The following POU6F1 variants were observed in gnomAD, a reference collection of about 807,000 sequenced individuals.
The protein encoded by POU6F1 is POU class 6 homeobox 1, also known as POU domain, class 6, transcription factor 1.
A neutral mutation model predicts 28.9 loss-of-function variants in POU6F1; 9 were observed. That is an observed-to-expected ratio of 0.31 (90% CI 0.19 to 0.54). The LOEUF is 0.54. POU6F1 is among the 20% of genes least tolerant of loss of function. The pLI, the probability that POU6F1 is intolerant of heterozygous loss-of-function variation, is 0.94. For missense variants in POU6F1, 338 were observed against 426.1 expected (o/e 0.79, Z 1.82); for synonymous variants, 173 against 171.1 (o/e 1.01, Z -0.09).
At chr12:51,215,512 C>T (rs1277292090) in intron 1 of POU6F1, among the ~76,000 whole-genome samples, 2 of 145,188 alleles carry the variant, frequency 1.4e-5, no homozygotes, top group African/African-American at 2.6e-5. Flanking sequence ...ACCAAGATCG[C>T]GCCACTGCAC....
intron 3 of POU6F1, among the ~76,000 whole-genome samples, chr12:51,202,760 T>C (rs981969785): frequency 2.0e-5 from 3 of 152,100 alleles, no homozygotes; most frequent in African/African-American, 7.2e-5. Context: ...CAGAAGCAGG[T>C]GCGTGACTCT....
chr12:51,197,672 G>C (rs574659552), intron 6 of POU6F1, 98 bp downstream of exon 6: 1 of 391,936 alleles, frequency 2.6e-6, no homozygotes, highest in East Asian at 3.6e-5. Flanking sequence ...GGCTGTTTTC[G>C]GGGGGGGCTC....
intron 2 of POU6F1, among the ~76,000 whole-genome samples, chr12:51,205,561 G>A (rs1436822936): frequency 6.6e-6 from 1 of 152,232 alleles, no homozygotes; most frequent in Non-Finnish European, 1.5e-5. Context: ...CAGAGACAAA[G>A]TCTGTAAATT....
chr12:51,206,739 A>T (rs1943654534), intron 2 of POU6F1, 50 bp downstream of exon 2: 2 of 398,030 alleles, frequency 5.0e-6, no homozygotes, highest in South Asian at 2.6e-4. Flanking sequence ...TGTTGCCCAC[A>T]CCCCTCACTC....
intron 3 of POU6F1, among the ~76,000 whole-genome samples, chr12:51,200,730 C>T (rs183828646): frequency 1.1e-3 from 174 of 152,226 alleles, no homozygotes; most frequent in African/African-American, 3.8e-3. Context: ...CTCTGTCACC[C>T]ATGCTGGAGT....
Position 51,195,950 on chromosome 12 carries a change from A to AC in POU6F1, c.1179+19dup, listed in dbSNP as rs373084626. 0.019 allele frequency: 4,343 copies of AC among 232,204 alleles called. 96 individuals carry two copies. Among genetic ancestry groups the AC allele is most frequent in the African/African-American group, 0.16 (3,525 of 22,450 alleles). 14.4% of individuals were successfully genotyped at this position (232,204 alleles called of 1,614,324 possible). On this transcript the variant is annotated intron_variant, in intron 8 of 10. Coordinates refer to ENST00000333640, the MANE Select transcript of POU6F1 (RefSeq NM_001330422.2). ...GATAGCAGAGCCTGCCCCACCCCCC[A>AC]CCCCCCCCAGCCCCTGTACCTCACT...
At chr12:51,212,995 G>A (rs936800389) in intron 1 of POU6F1, among the ~76,000 whole-genome samples, 10 of 151,732 alleles carry the variant, frequency 6.6e-5, no homozygotes, top group African/African-American at 1.7e-4. Flanking sequence ...GGAGTGCAGC[G>A]GCGGGATCTC....
At position 51,188,346 on chromosome 12, in the gene POU6F1, C is replaced by T. The variant is rs991830897; in HGVS notation, c.*1901G>A. The T allele has an allele frequency of 6.6e-6, 1 of 152,198 alleles. No homozygotes were observed. Among genetic ancestry groups the T allele is most frequent in the Non-Finnish European group, 1.5e-5 (1 of 68,038 alleles). The allele number at this position is 152,198 out of a possible 1,614,324, so 9.4% of individuals were successfully genotyped here. ...AGTCTGTCATCTCATTGAGGCAGGT[C>T]GATAACCCTGAACTAGAGTGTGGAG... On this transcript the variant is annotated 3_prime_UTR_variant, in exon 11 of 11. Coordinates refer to ENST00000333640, the MANE Select transcript of POU6F1 (RefSeq NM_001330422.2).
chr12:51,206,225 C>T lies in POU6F1; in HGVS notation c.48+564G>A, dbSNP rs919824156. On this transcript the variant is annotated intron_variant, in intron 2 of 10. Coordinates refer to ENST00000333640, the MANE Select transcript of POU6F1 (RefSeq NM_001330422.2). Reference sequence around the variant, plus strand: ...GATCACGAGGTCAGGAGATCGAGACCATCCTGGCTAACACGGTGAAACCCC... The same window carrying T: ...GATCACGAGGTCAGGAGATCGAGACTATCCTGGCTAACACGGTGAAACCCC... Among the ~76,000 whole-genome samples, 3 of 150,780 alleles carry T rather than the reference C, an allele frequency of 2.0e-5. No homozygotes were observed. The South Asian group carries it at 6.3e-4, about 32-fold the overall frequency.
intron 6 of POU6F1, among the ~76,000 whole-genome samples, chr12:51,197,451 G>A (rs1237054764): frequency 6.6e-6 from 1 of 152,336 alleles, no homozygotes; most frequent in East Asian, 1.9e-4. Context: ...GCATAGAGCT[G>A]TAAGCTCTGA....
At chr12:51,211,887 G>T (rs1355059563) in intron 1 of POU6F1, among the ~76,000 whole-genome samples, 1 of 152,106 alleles carries the variant, frequency 6.6e-6, no homozygotes. Flanking sequence ...TTTTCAGCGG[G>T]GGAGAATGAG....
intron 8 of POU6F1, among the ~76,000 whole-genome samples, chr12:51,195,608 T>C (rs1168996864): frequency 6.6e-6 from 1 of 152,104 alleles, no homozygotes; most frequent in East Asian, 1.9e-4. Context: ...GGTAGAGGAA[T>C]GGGGTACAGA....
At chr12:51,203,392 G>A (rs895147751) in intron 3 of POU6F1, among the ~76,000 whole-genome samples, 3 of 152,156 alleles carry the variant, frequency 2.0e-5, no homozygotes, top group African/African-American at 7.2e-5. Context: ...CTGGTCCCCA[G>A]GGCACTGCCC....
intron 2 of POU6F1, among the ~76,000 whole-genome samples, chr12:51,204,916 C>T (rs1035284051): frequency 1.3e-5 from 2 of 151,950 alleles, no homozygotes; most frequent in South Asian, 2.1e-4. Flanking sequence ...TCCTTTATTT[C>T]GAAAACTCTG....
At chr12:51,215,786 C>T (rs1243171872) in intron 1 of POU6F1, among the ~76,000 whole-genome samples, 1 of 152,062 alleles carries the variant, frequency 6.6e-6, no homozygotes, top group Admixed American at 6.6e-5. Context: ...TTGAGTACTG[C>T]TTCTACTAGA....
rs573552655 is a variant in POU6F1, at chr12:51,196,038, T to C, written c.1111A>G (p.Ser371Gly). The change falls in exon 8 of 11, where the codon AGC (serine) becomes GGC (glycine). Residue 371 changes from serine (S) to glycine (G), a missense_variant. Physicochemically the swap from Ser to Gly is moderately conservative, Grantham distance 56. Transcript: ENST00000333640. ...AQGQVIATLASSPLPPPVAVR... is the reference protein window; with the variant it reads ...AQGQVIATLAGSPLPPPVAVR... ...GCCACAGGTGGAGGCAGGGGGCTGC[T>C]AGCCAGGGTCGCAATCACCTGGCCC... The C allele has an allele frequency of 3.2e-6, 5 of 1,545,692 alleles. No individual in the cohort carries two copies. The highest frequency in any genetic ancestry group is 1.7e-5 in the Admixed American group (1 of 57,496).
At chr12:51,214,751 A>G (rs1032442245) in intron 1 of POU6F1, among the ~76,000 whole-genome samples, 1 of 152,108 alleles carries the variant, frequency 6.6e-6, no homozygotes, top group Non-Finnish European at 1.5e-5. Context: ...CAGCCTGGCC[A>G]ACATGGTGCA....
At position 51,190,704 on chromosome 12, in the gene POU6F1, G is replaced by A. The variant is rs539228723; in HGVS notation, c.1491-112C>T. On this transcript the variant is annotated intron_variant, in intron 10 of 10. Transcript: ENST00000333640. This position sits in a 1 kb window ranked among gnomAD's most constrained non-coding sequence, Gnocchi z 4.5. ...CAAGGGGCCGCTCCTCTAGGGGCTG[G>A]TGAGACTGTACCCAGTGCTCCCCTC... 41 of 1,477,202 alleles carry A rather than the reference G, an allele frequency of 2.8e-5. No homozygotes were observed. In the South Asian group the frequency reaches 4.7e-4, roughly 17 times the overall value. The allele number at this position is 1,477,202 out of a possible 1,614,324, so 91.5% of individuals were successfully genotyped here.
intron 8 of POU6F1, 32 bp downstream of exon 8, chr12:51,195,938 G>GA: frequency 1.1e-6 from 1 of 916,158 alleles, no homozygotes; most frequent in Non-Finnish European, 1.7e-6. Flanking sequence ...AGCAGAGCCT[G>GA]CCCCACCCCC....
Sources: allele counts gnomAD v4.1 joint callset (sites outside exome capture counted in the v4.1 genomes callset), GRCh38; gene constraint gnomAD v4.1.1; non-coding constraint Gnocchi (gnomAD v3.1); transcripts MANE v1.5; gene names NCBI Gene and HGNC (gene_info 2026-07-23, HGNC 2026-07-21).